Variants in HHLA2 observed in about 807,000 individuals in gnomAD.
HHLA2 encodes the protein HERV-H LTR-associating protein 2.
In HHLA2, 48 loss-of-function variants were observed where a neutral mutation model predicts 45.9. The ratio of observed to expected loss-of-function variants is 1.05; its 90% confidence interval spans 0.83 to 1.33. The LOEUF (loss-of-function observed/expected upper bound fraction) is 1.33, where lower values mean the gene tolerates loss of function less well. Ranked by LOEUF, HHLA2 falls within the 40% of genes most tolerant of loss-of-function variation. HHLA2 has a pLI of 0.00. For synonymous variants in HHLA2, 161 were observed against 173.9 expected, an observed-to-expected ratio of 0.93 and a Z score of 0.59; for missense variants, 462 against 494.3, an observed-to-expected ratio of 0.93 and a Z score of 0.62.
intron 2 of HHLA2, among the ~76,000 whole-genome samples, chr3:108,312,779 C>T (rs867467691): frequency 2.0e-5 from 3 of 152,210 alleles, no homozygotes; most frequent in African/African-American, 7.2e-5. Flanking sequence ...AGCTCACCCT[C>T]AGTAATTCCA....
intron 2 of HHLA2, among the ~76,000 whole-genome samples, chr3:108,323,913 A>G (rs1307100902): frequency 6.6e-6 from 1 of 152,226 alleles, no homozygotes; most frequent in Non-Finnish European, 1.5e-5. Flanking sequence ...GTATCCATTT[A>G]AAATAAAAGC....
chr3:108,342,892 T>G (rs986181570), intron 3 of HHLA2, among the ~76,000 whole-genome samples: 1 of 152,168 alleles, frequency 6.6e-6, no homozygotes, highest in Non-Finnish European at 1.5e-5. Context: ...AGCTCAAGCG[T>G]CTTTCCTGTT....
At chr3:108,310,419 T>C (rs2107309348) in intron 1 of HHLA2, among the ~76,000 whole-genome samples, 1 of 152,322 alleles carries the variant, frequency 6.6e-6, no homozygotes, top group Non-Finnish European at 1.5e-5. Context: ...AATGACATAT[T>C]GTTCCCCTCT....
intron 2 of HHLA2, among the ~76,000 whole-genome samples, chr3:108,312,055 G>T (rs62266183): frequency 0.068 from 10,317 of 152,214 alleles, 480 homozygotes; most frequent in Non-Finnish European, 0.092. Flanking sequence ...CTGGAGGAGA[G>T]GGGAGGGAAG....
At chr3:108,326,992 T>A (rs2081300755) in intron 2 of HHLA2, among the ~76,000 whole-genome samples, 1 of 151,794 alleles carries the variant, frequency 6.6e-6, no homozygotes, top group Admixed American at 6.6e-5. Context: ...GTATTTCACT[T>A]AGTGCAGTTC....
At chr3:108,307,853 CT>C (rs1024706435) in intron 1 of HHLA2, among the ~76,000 whole-genome samples, 6 of 150,846 alleles carry the variant, frequency 4.0e-5, no homozygotes, top group South Asian at 4.2e-4. Flanking sequence ...GTAATTAGGT[CT>C]TTTTTTTTAT....
intron 8 of HHLA2, among the ~76,000 whole-genome samples, chr3:108,366,273 G>T (rs560177407): frequency 1.3e-5 from 2 of 152,264 alleles, no homozygotes; most frequent in African/African-American, 4.8e-5. Flanking sequence ...TTATGTGATG[G>T]ATTACATTTA....
intron 3 of HHLA2, among the ~76,000 whole-genome samples, chr3:108,336,036 C>T (rs961716622): frequency 1.3e-5 from 2 of 151,850 alleles, no homozygotes; most frequent in Non-Finnish European, 2.9e-5. Flanking sequence ...CCTGTTGTGC[C>T]CCTGCCAGTA....
exon 5 of HHLA2, chr3:108,353,727 A>C (rs1442123386): frequency 4.3e-6 from 7 of 1,613,378 alleles, no homozygotes; most frequent in Non-Finnish European, 5.9e-6. Flanking sequence ...TACACCTGCT[A>C]TGTAGGAACA....
chr3:108,322,925 T>C (rs1576117278), intron 2 of HHLA2, among the ~76,000 whole-genome samples: 1 of 152,318 alleles, frequency 6.6e-6, no homozygotes, highest in East Asian at 1.9e-4. Context: ...TTGAGTACTA[T>C]ATGGTACAAG....
intron 2 of HHLA2, among the ~76,000 whole-genome samples, chr3:108,324,381 C>T (rs758935196): frequency 2.0e-5 from 3 of 152,112 alleles, no homozygotes; most frequent in Non-Finnish European, 4.4e-5. Context: ...TTGACTGTAT[C>T]AGCACATTTA....
chr3:108,329,818 T>C (rs1325819183), intron 3 of HHLA2, among the ~76,000 whole-genome samples: 1 of 152,178 alleles, frequency 6.6e-6, no homozygotes, highest in Non-Finnish European at 1.5e-5. Flanking sequence ...GGGTCAGGTA[T>C]TTATGAACAA....
intron 8 of HHLA2, among the ~76,000 whole-genome samples, chr3:108,368,611 A>T (rs1326921083): frequency 1.3e-5 from 2 of 149,360 alleles, no homozygotes; most frequent in South Asian, 2.1e-4. Context: ...ACAGACTTTA[A>T]ACCAACAAAG....
At chr3:108,358,222 T>A in intron 7 of HHLA2, 61 bp downstream of exon 6, 1 of 1,215,098 alleles carries the variant, frequency 8.2e-7, no homozygotes, top group South Asian at 1.5e-5. Context: ...TTTGTGAATA[T>A]CAAAGAGAAA....
chr3:108,324,038 T>G (rs1428695468), intron 2 of HHLA2, among the ~76,000 whole-genome samples: 1 of 152,206 alleles, frequency 6.6e-6, no homozygotes, highest in African/African-American at 2.4e-5. Context: ...ATGCACTCCT[T>G]TGTTAGAAAA....
intron 7 of HHLA2, among the ~76,000 whole-genome samples, chr3:108,361,595 A>G (rs2081985823): frequency 6.6e-6 from 1 of 152,222 alleles, no homozygotes; most frequent in African/African-American, 2.4e-5. Context: ...TAAGATCTAC[A>G]GTAAGAAAGA....
Position 108,370,598 on chromosome 3 carries a change from C to G in HHLA2, c.1109-5152C>G, listed in dbSNP as rs554243701. 4.6e-4 allele frequency among the ~76,000 whole-genome samples: 70 copies of G among 152,040 alleles called. 1 individual carries two copies. The highest frequency in any genetic ancestry group is 1.8e-4 in the Non-Finnish European group (12 of 67,974). On this transcript the variant is annotated intron_variant, in intron 8 of 10. Transcript: ENST00000619531. ...CCTTGAAAAAAAATTAGGTGAATGG[C>G]TAACTAGAATAACCAATGCAGAGCA...
At chr3:108,320,755 C>A (rs921800397) in intron 2 of HHLA2, among the ~76,000 whole-genome samples, 16 of 152,110 alleles carry the variant, frequency 1.1e-4, no homozygotes, top group African/African-American at 3.9e-4. Context: ...CAGTCTTCTG[C>A]ATCCTGGGAC....
intron 7 of HHLA2, among the ~76,000 whole-genome samples, chr3:108,361,978 A>G (rs1162671753): frequency 1.3e-5 from 2 of 152,184 alleles, no homozygotes; most frequent in Non-Finnish European, 2.9e-5. Flanking sequence ...AAAGCAATAG[A>G]AACTGAAAAT....
Sources: allele counts gnomAD v4.1 joint callset (sites outside exome capture counted in the v4.1 genomes callset), GRCh38; gene constraint gnomAD v4.1.1; transcripts MANE v1.5; gene names NCBI Gene and HGNC (gene_info 2026-07-23, HGNC 2026-07-21).